GPM6A: variants seen among roughly 807,000 people sequenced by gnomAD.
GPM6A encodes glycoprotein M6A.
GPM6A carries 7 observed loss-of-function variants against 32.1 expected under a neutral mutation model. The observed-to-expected ratio is 0.22, with a 90% CI of 0.12 to 0.41. The LOEUF is 0.41. GPM6A is among the 10% of genes least tolerant of loss of function. The pLI, the probability that GPM6A is intolerant of heterozygous loss-of-function variation, is 1.00. For synonymous variants in GPM6A, 130 were observed against 123.4 expected (o/e 1.05, Z -0.35); for missense variants, 235 against 347.2 (o/e 0.68, Z 2.57).
At chr4:175,659,538 G>A (rs563957766) in intron 3 of GPM6A, among the ~76,000 whole-genome samples, 15 of 152,004 alleles carry the variant, frequency 9.9e-5, no homozygotes, top group Middle Eastern at 3.4e-3. Context: ...AACCAAAACT[G>A]GATTATTATG....
At chr4:175,745,029 C>T (rs980568159) in intron 1 of GPM6A, among the ~76,000 whole-genome samples, 1 of 152,006 alleles carries the variant, frequency 6.6e-6, no homozygotes, top group Admixed American at 6.6e-5. Flanking sequence ...AAGGAAAGTG[C>T]AAATCGTTTT....
chr4:175,935,858 G>T (rs950553551), intron 1 of GPM6A, among the ~76,000 whole-genome samples: 1 of 151,918 alleles, frequency 6.6e-6, no homozygotes, highest in African/African-American at 2.4e-5. Context: ...TAATCAAAAA[G>T]TGCAAGGAGA....
intron 1 of GPM6A, among the ~76,000 whole-genome samples, chr4:175,964,454 A>T (rs931743502): frequency 6.6e-6 from 1 of 152,148 alleles, no homozygotes; most frequent in Non-Finnish European, 1.5e-5. Flanking sequence ...TAAACAACAG[A>T]AATTTATTTT....
intron 1 of GPM6A, among the ~76,000 whole-genome samples, chr4:175,978,962 AAGC>A (rs200172379): frequency 0.02 from 2,870 of 145,076 alleles, 75 homozygotes; most frequent in African/African-American, 0.077. Context: ...TGTCCATTTA[AAGC>A]AAAAAAAAAA....
At chr4:175,810,756 G>A (rs1734887026) in intron 1 of GPM6A, among the ~76,000 whole-genome samples, 2 of 152,054 alleles carry the variant, frequency 1.3e-5, no homozygotes, top group African/African-American at 2.4e-5. Context: ...GTTGTCATAA[G>A]GTAATTTATT....
chr4:175,905,009 T>C (rs1375883922), intron 1 of GPM6A, among the ~76,000 whole-genome samples: 1 of 152,066 alleles, frequency 6.6e-6, no homozygotes, highest in Non-Finnish European at 1.5e-5. Flanking sequence ...GGAAAAATCA[T>C]TTATCACATA....
chr4:175,861,678 A>G (rs1736577078), intron 1 of GPM6A, among the ~76,000 whole-genome samples: 1 of 150,280 alleles, frequency 6.7e-6, no homozygotes, highest in African/African-American at 2.4e-5. Context: ...TTGAATCTGG[A>G]AGGCAGAGAT....
intron 1 of GPM6A, among the ~76,000 whole-genome samples, chr4:175,702,061 ACATG>A (rs1744910413): frequency 6.6e-6 from 1 of 152,188 alleles, no homozygotes; most frequent in Non-Finnish European, 1.5e-5. Context: ...TCTTCACCAT[ACATG>A]CATGCATATC....
intron 1 of GPM6A, among the ~76,000 whole-genome samples, chr4:175,908,675 AAAG>A (rs1447400221): frequency 6.6e-6 from 1 of 152,184 alleles, no homozygotes; most frequent in African/African-American, 2.4e-5. Context: ...CTACAAGGAT[AAAG>A]AAGAAGATCT....
At chr4:175,645,582 A>G (rs945482110) in intron 4 of GPM6A, among the ~76,000 whole-genome samples, 1 of 151,772 alleles carries the variant, frequency 6.6e-6, no homozygotes, top group African/African-American at 2.4e-5. Flanking sequence ...TTAGCCAGGC[A>G]TGGTGGCACA....
At chr4:175,824,268 C>T (rs1459061460) in intron 1 of GPM6A, among the ~76,000 whole-genome samples, 3 of 152,120 alleles carry the variant, frequency 2.0e-5, no homozygotes, top group Admixed American at 6.5e-5. Context: ...CTGTTATTTT[C>T]GAATGAACCT....
chr4:175,844,353 C>T (rs1736026717), intron 1 of GPM6A, among the ~76,000 whole-genome samples: 1 of 152,136 alleles, frequency 6.6e-6, no homozygotes, highest in South Asian at 2.1e-4. Context: ...TTTCCAATTC[C>T]TTCTGCCACA....
At chr4:175,887,608 TGTTC>T (rs1467374513) in intron 1 of GPM6A, among the ~76,000 whole-genome samples, 1 of 151,904 alleles carries the variant, frequency 6.6e-6, no homozygotes, top group Non-Finnish European at 1.5e-5. Context: ...TCAAACCTAG[TGTTC>T]TAGATGCTAA....
intron 1 of GPM6A, among the ~76,000 whole-genome samples, chr4:175,736,105 A>G (rs1731648568): frequency 6.6e-6 from 1 of 152,176 alleles, no homozygotes; most frequent in Non-Finnish European, 1.5e-5. Context: ...AGCTTACTGC[A>G]GTCTTGAACT....
intron 1 of GPM6A, among the ~76,000 whole-genome samples, chr4:175,878,288 C>T (rs895764993): frequency 6.6e-6 from 1 of 152,142 alleles, no homozygotes; most frequent in African/African-American, 2.4e-5. Flanking sequence ...CTAGTCAGTG[C>T]CCCAGTGGAG....
At chr4:175,771,361 C>T (rs974989111) in intron 1 of GPM6A, among the ~76,000 whole-genome samples, 8 of 151,924 alleles carry the variant, frequency 5.3e-5, no homozygotes, top group Non-Finnish European at 7.4e-5. Flanking sequence ...ATCATGAGGT[C>T]AAGAGATTGA....
intron 1 of GPM6A, among the ~76,000 whole-genome samples, chr4:175,839,193 C>A (rs529850867): frequency 3.3e-5 from 5 of 152,228 alleles, no homozygotes; most frequent in Admixed American, 3.3e-4. Context: ...TTTGACTCAA[C>A]ACTTCAAATT....
intron 1 of GPM6A, among the ~76,000 whole-genome samples, chr4:175,741,965 A>G (rs1283298690): frequency 6.6e-6 from 1 of 152,130 alleles, no homozygotes; most frequent in Admixed American, 6.6e-5. Flanking sequence ...AAGGAAGAGA[A>G]AAAATGAGAG....
At chr4:175,812,740 T>C, upstream of GPM6A, 1 of 985,554 alleles carries the variant, frequency 1.0e-6, no homozygotes, top group Middle Eastern at 5.2e-4. Flanking sequence ...ATTCCCCCCT[T>C]CATTCCAGAG....
Sources: gnomAD v4.1 joint callset for allele counts (sites outside exome capture counted in the v4.1 genomes callset) on GRCh38, gnomAD v4.1.1 for gene constraint, MANE v1.5 for transcripts, NCBI Gene and HGNC (gene_info 2026-07-23, HGNC 2026-07-21) for gene names.